LUZP2: variants seen among roughly 807,000 people sequenced by gnomAD.
LUZP2 encodes the protein leucine zipper protein 2.
A neutral mutation model predicts 51.6 loss-of-function variants in LUZP2; 52 were observed. The observed-to-expected ratio is 1.01, with a 90% CI of 0.81 to 1.27. LUZP2 has a LOEUF of 1.27. LUZP2 is among the 50% of genes most tolerant of loss of function. LUZP2 has a pLI of 0.00. For missense variants in LUZP2, 436 were observed against 395.4 expected (o/e 1.10, Z -0.87); for synonymous variants, 154 against 137.3 (o/e 1.12, Z -0.85).
chr11:24,705,076 A>AT (rs920502979), intron 1 of LUZP2, among the ~76,000 whole-genome samples: 29 of 151,300 alleles, frequency 1.9e-4, no homozygotes, highest in East Asian at 5.8e-4. Flanking sequence ...CTTTTGGGGT[A>AT]TTTTTTTTTC....
intron 1 of LUZP2, among the ~76,000 whole-genome samples, chr11:24,726,878 G>A (rs1177956600): frequency 1.3e-5 from 2 of 152,034 alleles, no homozygotes; most frequent in Non-Finnish European, 1.5e-5. Context: ...CCAATAAAAT[G>A]TTAGCCAATA....
intron 10 of LUZP2, among the ~76,000 whole-genome samples, chr11:25,067,792 C>T (rs1198903743): frequency 1.3e-5 from 2 of 151,946 alleles, no homozygotes; most frequent in Non-Finnish European, 2.9e-5. Context: ...CTAGAAATAT[C>T]ATTTGACCCA....
At chr11:24,579,031 C>A (rs1281951754) in intron 1 of LUZP2, among the ~76,000 whole-genome samples, 1 of 151,894 alleles carries the variant, frequency 6.6e-6, no homozygotes, top group Non-Finnish European at 1.5e-5. Flanking sequence ...TATATAGCAC[C>A]ATTTAAAACC....
chr11:25,000,406 G>A (rs535775410), intron 9 of LUZP2, among the ~76,000 whole-genome samples: 1 of 152,232 alleles, frequency 6.6e-6, no homozygotes, highest in African/African-American at 2.4e-5. Flanking sequence ...TCCTCCAGAG[G>A]GGAACTCTTC....
At chr11:24,497,326 G>C in intron 1 of LUZP2, 21 bp downstream of exon 1, 1 of 1,508,062 alleles carries the variant, frequency 6.6e-7, no homozygotes, top group Non-Finnish European at 8.9e-7. Context: ...GAGCGTGAGT[G>C]ACCTGAGGCC....
At chr11:24,538,652 ATGTGTG>A (rs10627420) in intron 1 of LUZP2, among the ~76,000 whole-genome samples, 3 of 146,250 alleles carry the variant, frequency 2.1e-5, no homozygotes, top group Admixed American at 6.9e-5. Context: ...TGTTTTTTAT[ATGTGTG>A]TGTGTGTGTG....
intron 5 of LUZP2, among the ~76,000 whole-genome samples, chr11:24,775,231 A>G (rs888258068): frequency 3.3e-5 from 5 of 152,160 alleles, no homozygotes; most frequent in African/African-American, 1.2e-4. Flanking sequence ...CAAAGAAAGT[A>G]AACAGGAAAA....
chr11:24,868,706 C>T (rs1170654045), intron 5 of LUZP2, among the ~76,000 whole-genome samples: 1 of 152,088 alleles, frequency 6.6e-6, no homozygotes, highest in Non-Finnish European at 1.5e-5. Context: ...GCAATTTTAA[C>T]ATAAATTAAA....
In LUZP2 at chr11:25,078,698, T is replaced by A; in HGVS notation, c.*40T>A. The A allele has an allele frequency of 1.4e-6, 2 of 1,428,166 alleles. No homozygotes were observed. The highest frequency in any genetic ancestry group is 1.9e-6 in the Non-Finnish European group (2 of 1,031,206). 88.5% of individuals were successfully genotyped at this position (1,428,166 alleles called of 1,614,324 possible). A position where few individuals can be genotyped will look rare whatever the true frequency, so the allele number is the denominator to read the frequency against. ...TGTTAAAAACGTCCATTTGCTATTG[T>A]CTTCATATTCTTTTTAGACCACAAG... On this transcript the variant is annotated 3_prime_UTR_variant, in exon 12 of 12. Transcript: ENST00000336930.
chr11:25,047,346 T>A (rs1466305509), intron 9 of LUZP2, among the ~76,000 whole-genome samples: 6 of 111,376 alleles, frequency 5.4e-5, no homozygotes, highest in African/African-American at 2.0e-4. Flanking sequence ...TTTTATTTTT[T>A]TTTTTTTTAC....
chr11:24,609,197 A>T (rs1854035050), intron 1 of LUZP2, among the ~76,000 whole-genome samples: 1 of 151,932 alleles, frequency 6.6e-6, no homozygotes, highest in South Asian at 2.1e-4. Context: ...AGCAAGCTTT[A>T]AAAAAAATAG....
At chr11:25,040,343 A>ATTTTTTTGTTTTTTTTTTTTTTT (rs1858012348) in intron 9 of LUZP2, among the ~76,000 whole-genome samples, 1 of 98,828 alleles carries the variant, frequency 1.0e-5, no homozygotes, top group African/African-American at 5.8e-5. Flanking sequence ...TTTCTTTCCG[A>ATTTTTTTGTTTTTTTTTTTTTTT]TTTTTTTTTT....
chr11:24,978,221 A>G (rs1447221192), intron 8 of LUZP2, among the ~76,000 whole-genome samples: 2 of 151,704 alleles, frequency 1.3e-5, no homozygotes, highest in Non-Finnish European at 2.9e-5. Flanking sequence ...AATTTATATA[A>G]AACAAATTTA....
intron 5 of LUZP2, among the ~76,000 whole-genome samples, chr11:24,781,692 AGCT>A (rs1440307352): frequency 1.3e-5 from 2 of 152,080 alleles, no homozygotes; most frequent in African/African-American, 2.4e-5. Flanking sequence ...ATTGCAAACG[AGCT>A]GCTATTTTAT....
intron 9 of LUZP2, among the ~76,000 whole-genome samples, chr11:24,989,796 A>G (rs936110595): frequency 1.3e-5 from 2 of 152,176 alleles, no homozygotes; most frequent in African/African-American, 4.8e-5. Flanking sequence ...ATGTAAGGTT[A>G]AGATATTTGA....
chr11:24,754,854 CA>C (rs1440325251), intron 4 of LUZP2, among the ~76,000 whole-genome samples: 1 of 152,076 alleles, frequency 6.6e-6, no homozygotes, highest in African/African-American at 2.4e-5. Flanking sequence ...CATTTAAAAC[CA>C]AAGACACTGG....
chr11:24,934,904 A>G (rs953871974), intron 7 of LUZP2, among the ~76,000 whole-genome samples: 2 of 152,228 alleles, frequency 1.3e-5, no homozygotes, highest in African/African-American at 4.8e-5. Context: ...GCCTGTGGCC[A>G]GTGTTCAGCC....
At chr11:24,829,997 C>G (rs2631498) in intron 5 of LUZP2, among the ~76,000 whole-genome samples, 5 of 151,692 alleles carry the variant, frequency 3.3e-5, no homozygotes, top group Admixed American at 6.6e-5. Flanking sequence ...TAATGTGAAG[C>G]AGATTTAAAG....
intron 1 of LUZP2, among the ~76,000 whole-genome samples, chr11:24,513,880 C>T (rs1209098227): frequency 6.6e-6 from 1 of 152,158 alleles, no homozygotes; most frequent in East Asian, 1.9e-4. Context: ...AGTTGACAGG[C>T]TGGGAAAATA....
Sources: gnomAD v4.1 joint callset for allele counts (sites outside exome capture counted in the v4.1 genomes callset) on GRCh38, gnomAD v4.1.1 for gene constraint, MANE v1.5 for transcripts, NCBI Gene and HGNC (gene_info 2026-07-23, HGNC 2026-07-21) for gene names.